The following HNF4A variants were observed in gnomAD, a reference collection of about 807,000 sequenced individuals.
HNF4A encodes hepatocyte nuclear factor 4-alpha.
HNF4A carries 15 observed loss-of-function variants against 52.4 expected under a neutral mutation model. That is an observed-to-expected ratio of 0.29 (90% CI 0.19 to 0.44). The LOEUF (loss-of-function observed/expected upper bound fraction) is 0.44, where lower values mean the gene tolerates loss of function less well. HNF4A is among the 20% of genes least tolerant of loss of function. The pLI is 1.00. For synonymous variants in HNF4A, 280 were observed against 264.4 expected, an observed-to-expected ratio of 1.06 and a Z score of -0.57; for missense variants, 479 against 647.2, an observed-to-expected ratio of 0.74 and a Z score of 2.82.
At chr20:44,374,158 C>T (rs1207195545) in intron 1 of HNF4A, among the ~76,000 whole-genome samples, 3 of 152,138 alleles carry the variant, frequency 2.0e-5, no homozygotes, top group Non-Finnish European at 4.4e-5. Context: ...AAGTCCGCAG[C>T]GTCTATTGTT....
At position 44,368,978 on chromosome 20, in the gene HNF4A, T is replaced by C. The variant is rs889297837; in HGVS notation, c.49+13125T>C. On this transcript the variant is annotated intron_variant, in intron 1 of 9. Coordinates refer to the HNF4A transcript ENST00000316673. ...AATACAAACAAGAGGCTGGGCACGG[T>C]GGCTCACGCCTGTAATCCCAGCACT... Among the ~76,000 whole-genome samples the C allele has an allele frequency of 1.8e-4, 28 of 152,188 alleles. No individual in the cohort carries two copies. In the East Asian group the frequency reaches 5.0e-3, roughly 27 times the overall value.
intron 3 of HNF4A, among the ~76,000 whole-genome samples, chr20:44,408,818 ACCTTC>A (rs1277108480): frequency 1.3e-5 from 2 of 151,984 alleles, no homozygotes; most frequent in Non-Finnish European, 1.5e-5. Context: ...CTAGTCCCAG[ACCTTC>A]CCTTCTAGCC....
chr20:44,358,718 G>A (rs1413867749), intron 1 of HNF4A, among the ~76,000 whole-genome samples: 2 of 152,184 alleles, frequency 1.3e-5, no homozygotes, highest in Admixed American at 6.5e-5. Flanking sequence ...TATAGTAGAG[G>A]TGCATTGGTG....
At chr20:44,389,187 G>A (rs2063271754) in intron 1 of HNF4A, among the ~76,000 whole-genome samples, 1 of 152,218 alleles carries the variant, frequency 6.6e-6, no homozygotes, top group Non-Finnish European at 1.5e-5. Flanking sequence ...TCAGGGGATC[G>A]TCCTGCCCAT....
At chr20:44,384,159 C>CTT (rs371586705) in intron 1 of HNF4A, among the ~76,000 whole-genome samples, 14 of 125,542 alleles carry the variant, frequency 1.1e-4, no homozygotes, top group African/African-American at 3.0e-4. Flanking sequence ...CCCCTGGCTC[C>CTT]TTTTTTTTTT....
chr20:44,392,652 T>C (rs1048820331), intron 1 of HNF4A, among the ~76,000 whole-genome samples: 1 of 152,168 alleles, frequency 6.6e-6, no homozygotes, highest in African/African-American at 2.4e-5. Context: ...CCAACATCTG[T>C]ATATTTTAAA....
At chr20:44,360,100 C>A (rs1731978590) in intron 1 of HNF4A, among the ~76,000 whole-genome samples, 1 of 152,184 alleles carries the variant, frequency 6.6e-6, no homozygotes, top group South Asian at 2.1e-4. Flanking sequence ...CTATCTCATT[C>A]TTTTTGTTAT....
intron 1 of HNF4A, among the ~76,000 whole-genome samples, chr20:44,356,409 A>C (rs879649624): frequency 6.6e-6 from 1 of 152,182 alleles, no homozygotes; most frequent in Admixed American, 6.5e-5. Flanking sequence ...GCTAGAAAGC[A>C]TGTGTTACTG....
intron 1 of HNF4A, chr20:44,392,025 G>A (rs1242131708): frequency 6.6e-6 from 1 of 152,122 alleles, no homozygotes; most frequent in East Asian, 1.9e-4. Context: ...AATATGACCG[G>A]TGTGCAGTCA....
chr20:44,405,547 G>A (rs2063488611), intron 1 of HNF4A, among the ~76,000 whole-genome samples: 1 of 152,056 alleles, frequency 6.6e-6, no homozygotes, highest in Non-Finnish European at 1.5e-5. Flanking sequence ...GATGTGTCCA[G>A]ACCCTCCTAG....
chr20:44,422,629 A>G (rs1162997731), intron 7 of HNF4A, among the ~76,000 whole-genome samples: 1 of 150,456 alleles, frequency 6.6e-6, no homozygotes, highest in Non-Finnish European at 1.5e-5. Flanking sequence ...TCATCCAGCC[A>G]TCTAACAAAA....
intron 1 of HNF4A, among the ~76,000 whole-genome samples, chr20:44,385,981 TC>T (rs1264751881): frequency 1.3e-5 from 2 of 151,584 alleles, no homozygotes; most frequent in Non-Finnish European, 2.9e-5. Context: ...TGCTTCAGCC[TC>T]CCGAGTAGCT....
chr20:44,410,394 G>A (rs183117660), intron 3 of HNF4A, among the ~76,000 whole-genome samples: 4 of 152,318 alleles, frequency 2.6e-5, no homozygotes, highest in Admixed American at 2.0e-4. Flanking sequence ...TGGTTGTTTT[G>A]AGAACGGGCC....
Position 44,424,037 on chromosome 20 carries a change from T to A in HNF4A, c.912T>A (p.Asp304Glu), listed in dbSNP as rs1199561736. Reference sequence around the variant, plus strand: ...TTGTAGATGCCAAGGGGCTGAGCGATCCAGGGAAGATCAAGCGGCTGCGTT... The same window carrying A: ...TTGTAGATGCCAAGGGGCTGAGCGAACCAGGGAAGATCAAGCGGCTGCGTT... Residue 304 changes from aspartate to glutamate, a missense_variant, in exon 8 of 10, where the codon GAT becomes GAA. Coordinates refer to ENST00000316099, the MANE Select transcript of HNF4A (RefSeq NM_000457.6). The A allele has an allele frequency of 6.2e-7, 1 of 1,613,150 alleles. No individual in the cohort carries two copies. The highest frequency in any genetic ancestry group is 1.1e-5 in the South Asian group (1 of 91,048).
At chr20:44,394,717 G>A (rs1226176914) in intron 1 of HNF4A, among the ~76,000 whole-genome samples, 1 of 152,240 alleles carries the variant, frequency 6.6e-6, no homozygotes, top group Non-Finnish European at 1.5e-5. Context: ...GAGCAGCCGA[G>A]GTGGCCGTGG....
chr20:44,417,167 C>G (rs1406507482), intron 5 of HNF4A, among the ~76,000 whole-genome samples: 1 of 152,178 alleles, frequency 6.6e-6, no homozygotes, highest in Non-Finnish European at 1.5e-5. Flanking sequence ...GGATTTTAAC[C>G]TTCTAGTTTG....
intron 1 of HNF4A, among the ~76,000 whole-genome samples, chr20:44,359,621 A>T (rs1021792545): frequency 3.7e-4 from 56 of 152,144 alleles, no homozygotes; most frequent in Non-Finnish European, 2.9e-5. Context: ...TCTGGCCTGG[A>T]AGATTCTCTG....
chr20:44,382,436 A>G (rs1407919266), intron 1 of HNF4A, among the ~76,000 whole-genome samples: 2 of 151,794 alleles, frequency 1.3e-5, no homozygotes, highest in Middle Eastern at 3.4e-3. Context: ...ATGGAGTTTC[A>G]CCATGTTGGC....
At chr20:44,396,020 C>T (rs926974926) in intron 1 of HNF4A, among the ~76,000 whole-genome samples, 1 of 152,130 alleles carries the variant, frequency 6.6e-6, no homozygotes, top group East Asian at 1.9e-4. Flanking sequence ...AGTTCCCCTG[C>T]AAGACTGAGG....
Sources: gnomAD v4.1 joint callset for allele counts (sites outside exome capture counted in the v4.1 genomes callset) on GRCh38, gnomAD v4.1.1 for gene constraint, MANE v1.5 for transcripts, NCBI Gene and HGNC (gene_info 2026-07-23, HGNC 2026-07-21) for gene names.